Variants in TMEM40 observed in about 807,000 individuals in gnomAD.
TMEM40 encodes the protein transmembrane protein 40.
In TMEM40, 34 loss-of-function variants were observed where a neutral mutation model predicts 40.8. The observed-to-expected ratio is 0.83, with a 90% CI of 0.63 to 1.11. The LOEUF is 1.11. Among genes scored for constraint, TMEM40 ranks in the 50% least tolerant of loss-of-function variants. The pLI is 0.00. For synonymous variants in TMEM40, 106 were observed against 107.0 expected (o/e 0.99, Z 0.06); for missense variants, 296 against 280.2 (o/e 1.06, Z -0.40).
intron 1 of TMEM40, chr3:12,769,182 C>T (rs949631761): frequency 9.1e-6 from 3 of 329,938 alleles, no homozygotes; most frequent in Non-Finnish European, 2.0e-5. Flanking sequence ...CCAAGCCCAC[C>T]CGGAACTGTA....
At chr3:12,746,389 T>C (rs2061428675) in intron 3 of TMEM40, among the ~76,000 whole-genome samples, 1 of 152,206 alleles carries the variant, frequency 6.6e-6, no homozygotes, top group South Asian at 2.1e-4. Context: ...AAAGGATGAT[T>C]TGTTTTCTCA....
At chr3:12,759,573 C>G (rs2061555359), upstream of TMEM40, 1 of 152,476 alleles carries the variant, frequency 6.6e-6, no homozygotes, top group East Asian at 1.9e-4. Flanking sequence ...CCAGGTACCC[C>G]CTCCACCCAC....
chr3:12,762,581 G>T (rs1395113130), upstream of TMEM40, among the ~76,000 whole-genome samples: 1 of 152,162 alleles, frequency 6.6e-6, no homozygotes, highest in Non-Finnish European at 1.5e-5. Flanking sequence ...TTCAAAGTAA[G>T]ATCTATCTAG....
intron 1 of TMEM40, among the ~76,000 whole-genome samples, chr3:12,767,189 A>T (rs1302673125): frequency 6.6e-6 from 1 of 152,150 alleles, no homozygotes. Flanking sequence ...TAGTGGTAAA[A>T]GTTGGGGGGT....
At chr3:12,740,292 G>T (rs534826339) in intron 5 of TMEM40, among the ~76,000 whole-genome samples, 1 of 150,464 alleles carries the variant, frequency 6.6e-6, no homozygotes. Flanking sequence ...GTTTTGCCAC[G>T]TTGGCCAGGC....
chr3:12,750,169 G>A (rs1308817074), intron 1 of TMEM40, among the ~76,000 whole-genome samples: 2 of 150,410 alleles, frequency 1.3e-5, no homozygotes, highest in African/African-American at 2.4e-5. Context: ...GAAACAGGGT[G>A]TCTCTATGTT....
chr3:12,738,700 G>T, intron 5 of TMEM40, 112 bp from the exon 6 acceptor site: 3 of 1,177,406 alleles, frequency 2.5e-6, no homozygotes, highest in African/African-American at 1.5e-5. Context: ...ATCTGGAGTC[G>T]GCCAGGTGGG....
intron 1 of TMEM40, among the ~76,000 whole-genome samples, chr3:12,766,183 G>T (rs1188918637): frequency 1.3e-5 from 2 of 152,206 alleles, no homozygotes; most frequent in East Asian, 3.9e-4. Context: ...TTATTGCAGA[G>T]TAGCGTGGAT....
chr3:12,738,704 A>T (rs2061357925), intron 5 of TMEM40, 116 bp from the exon 6 acceptor site: 1 of 1,169,938 alleles, frequency 8.5e-7, no homozygotes, highest in Non-Finnish European at 1.3e-6. Flanking sequence ...GGAGTCGGCC[A>T]GGTGGGGAAT....
intron 10 of TMEM40, 48 bp from the exon 11 acceptor site, chr3:12,735,665 G>A (rs759669627): frequency 5.8e-6 from 9 of 1,548,546 alleles, no homozygotes; most frequent in Non-Finnish European, 1.8e-6. Context: ...GCCCCAACAA[G>A]GGACACCAGG....
chr3:12,739,458 G>A lies in TMEM40; in HGVS notation c.356-870C>T, dbSNP rs192579665. On this transcript the variant is annotated intron_variant, in intron 5 of 11. Transcript: ENST00000314124. The stretch of plus-strand genomic sequence containing the variant: ...CGCCACCACGCCTGGCTAATTTTTT[G>A]TATTTTTAGTAGAGACGGGGTTTCA... Among the ~76,000 whole-genome samples, 676 of 151,890 alleles carry A rather than the reference G, an allele frequency of 4.5e-3. 6 individuals are homozygous for A. Among genetic ancestry groups the A allele is most frequent in the African/African-American group, 0.015 (605 of 41,440 alleles).
At chr3:12,762,110 G>A (rs2061571481), upstream of TMEM40, among the ~76,000 whole-genome samples, 1 of 151,954 alleles carries the variant, frequency 6.6e-6, no homozygotes, top group African/African-American at 2.4e-5. Flanking sequence ...CTACAGGTGT[G>A]CACCACCATG....
intron 1 of TMEM40, among the ~76,000 whole-genome samples, chr3:12,751,770 C>A (rs1352583866): frequency 2.6e-5 from 4 of 152,302 alleles, no homozygotes; most frequent in Middle Eastern, 3.4e-3. Flanking sequence ...TGGCTGAGAT[C>A]ATCTCTAATG....
intron 1 of TMEM40, among the ~76,000 whole-genome samples, chr3:12,768,372 C>G (rs1249929843): frequency 7.9e-6 from 1 of 126,992 alleles, no homozygotes. Flanking sequence ...TGCTTTTATT[C>G]TCTTATGTGG....
rs117971363 is a variant in TMEM40, at chr3:12,745,378, A to T, written c.212-1389T>A. ...TCACCACACCTGGCAATTACTCCAA[A>T]TTTTATCAGCTAGAGACAACTGCCA... On this transcript the variant is annotated intron_variant, in intron 3 of 11. Coordinates refer to ENST00000314124, the MANE Select transcript of TMEM40 (RefSeq NM_018306.4). Among the ~76,000 whole-genome samples the T allele has an allele frequency of 2.9e-3, 439 of 152,002 alleles. 15 individuals are homozygous for T. In the East Asian group the frequency reaches 0.077, roughly 27 times the overall value.
chr3:12,743,986 C>T lies in TMEM40; in HGVS notation c.215G>A (p.Ser72Asn). ...SSSSSSSSSE[S>N]NDEDQQPRAT... The stretch of plus-strand genomic sequence containing the variant: ...TCTGGGTTGCTGGTCCTCATCATTG[C>T]TCTCTGCGGGTAACAAACACAAGCT... Residue 72 changes from serine (S) to asparagine (N), a missense_variant, in exon 4 of 12, where the codon AGC becomes AAC. Coordinates refer to ENST00000314124, the MANE Select transcript of TMEM40 (RefSeq NM_018306.4). 1 of 1,611,628 alleles carries T rather than the reference C, an allele frequency of 6.2e-7. No homozygotes were observed. Among genetic ancestry groups the T allele is most frequent in the Non-Finnish European group, 8.5e-7 (1 of 1,179,078 alleles).
At chr3:12,758,273 G>T (rs1468563530) in intron 1 of TMEM40, among the ~76,000 whole-genome samples, 1 of 152,106 alleles carries the variant, frequency 6.6e-6, no homozygotes, top group Non-Finnish European at 1.5e-5. Flanking sequence ...ACTAGCTTGA[G>T]TTCACTCCCC....
intron 8 of TMEM40, 110 bp downstream of exon 8, chr3:12,737,597 C>T (rs1040535192): frequency 2.1e-6 from 2 of 975,180 alleles, no homozygotes; most frequent in Non-Finnish European, 3.2e-6. Context: ...CTGCAGGGCA[C>T]ACGACAGAGG....
chr3:12,754,249 T>C (rs1015665635), intron 1 of TMEM40, among the ~76,000 whole-genome samples: 19 of 152,134 alleles, frequency 1.2e-4, no homozygotes, highest in Admixed American at 1.0e-3. Context: ...GAGGTGGAGC[T>C]GGCAGTGAGC....
Sources: gnomAD v4.1 joint callset for allele counts (sites outside exome capture counted in the v4.1 genomes callset) on GRCh38, gnomAD v4.1.1 for gene constraint, MANE v1.5 for transcripts, NCBI Gene and HGNC (gene_info 2026-07-23, HGNC 2026-07-21) for gene names.